The following ZNF385D variants were observed in gnomAD, a reference collection of about 807,000 sequenced individuals.
ZNF385D encodes zinc finger protein 385D.
Under a neutral mutation model 35.8 loss-of-function variants are expected in ZNF385D, and 15 were observed. The ratio of observed to expected loss-of-function variants is 0.42; its 90% confidence interval spans 0.28 to 0.64. The LOEUF (loss-of-function observed/expected upper bound fraction) is 0.64. Ranked by LOEUF, ZNF385D falls within the 30% of genes least tolerant of loss-of-function variation. The pLI is 0.23. For missense variants in ZNF385D, 474 were observed against 494.6 expected (o/e 0.96, Z 0.39); for synonymous variants, 212 against 186.8 (o/e 1.13, Z -1.10).
chr3:22,028,823 T>A (rs1697729598), intron 3 of ZNF385D, among the ~76,000 whole-genome samples: 1 of 152,180 alleles, frequency 6.6e-6, no homozygotes, highest in Non-Finnish European at 1.5e-5. Flanking sequence ...TATAAAACAT[T>A]GGAATGGCCT....
intron 3 of ZNF385D, among the ~76,000 whole-genome samples, chr3:21,869,409 T>C (rs1679216): frequency 0.41 from 62,912 of 151,886 alleles, 13,250 homozygotes; most frequent in Non-Finnish European, 0.43. Context: ...CAACATGTGA[T>C]CCCCACCGCT....
chr3:21,785,351 C>G (rs1455801424), intron 3 of ZNF385D, among the ~76,000 whole-genome samples: 1 of 152,092 alleles, frequency 6.6e-6, no homozygotes, highest in Admixed American at 6.5e-5. Flanking sequence ...ACATATTCAT[C>G]ATTTCCTACA....
intron 3 of ZNF385D, among the ~76,000 whole-genome samples, chr3:21,951,052 C>T (rs993086777): frequency 6.6e-6 from 1 of 151,524 alleles, no homozygotes; most frequent in Non-Finnish European, 1.5e-5. Context: ...TCTCATTAAA[C>T]TTAAAGTAGT....
chr3:21,978,366 T>A (rs1455303447), intron 3 of ZNF385D: 2 of 152,262 alleles, frequency 1.3e-5, no homozygotes, highest in African/African-American at 4.8e-5. Context: ...TTAAGGCCAA[T>A]ATTGTGGAAT....
chr3:22,282,029 C>T (rs898746446), intron 2 of ZNF385D, among the ~76,000 whole-genome samples: 6 of 151,798 alleles, frequency 4.0e-5, no homozygotes, highest in African/African-American at 7.3e-5. Flanking sequence ...CTAGTTTATG[C>T]GTGTAAAGGT....
intron 3 of ZNF385D, among the ~76,000 whole-genome samples, chr3:21,858,157 C>CAAAAA (rs34471727): frequency 8.4e-6 from 1 of 119,630 alleles, no homozygotes; most frequent in Non-Finnish European, 1.8e-5. Context: ...AAGAGTCTAT[C>CAAAAA]AAAAAAAAAA....
intron 2 of ZNF385D, among the ~76,000 whole-genome samples, chr3:21,578,333 A>T (rs923156666): frequency 6.6e-6 from 1 of 152,124 alleles, no homozygotes; most frequent in Non-Finnish European, 1.5e-5. Context: ...TTAGTTTAGT[A>T]TAATCCCATT....
chr3:21,594,943 T>A (rs1365155799), intron 2 of ZNF385D, among the ~76,000 whole-genome samples: 1 of 152,148 alleles, frequency 6.6e-6, no homozygotes, highest in African/African-American at 2.4e-5. Flanking sequence ...AGTACAAAAT[T>A]AAACTGCGCA....
chr3:22,262,079 T>G (rs926446701), intron 2 of ZNF385D, among the ~76,000 whole-genome samples: 4 of 152,006 alleles, frequency 2.6e-5, no homozygotes, highest in Admixed American at 1.3e-4. Flanking sequence ...TCTAAAGCAT[T>G]TCATAAATAG....
At chr3:22,337,460 G>A (rs559871540) in intron 2 of ZNF385D, among the ~76,000 whole-genome samples, 1 of 152,184 alleles carries the variant, frequency 6.6e-6, no homozygotes, top group Non-Finnish European at 1.5e-5. Flanking sequence ...CCTGAACCTG[G>A]GAAGCGGAGG....
intron 4 of ZNF385D, among the ~76,000 whole-genome samples, chr3:21,480,222 C>T (rs1041623743): frequency 6.6e-6 from 1 of 151,508 alleles, no homozygotes; most frequent in Non-Finnish European, 1.5e-5. Flanking sequence ...CCTGCCTCAG[C>T]CTCCCAAGTA....
intron 3 of ZNF385D, among the ~76,000 whole-genome samples, chr3:21,919,843 A>G (rs552002172): frequency 2.6e-5 from 4 of 152,320 alleles, no homozygotes; most frequent in South Asian, 4.1e-4. Context: ...GAACTGAATA[A>G]CTTTTCTGAA....
In ZNF385D at chr3:21,428,248, T is replaced by C. The variant is rs1575126125; in HGVS notation, c.674-2578A>G. Among the ~76,000 whole-genome samples, 6 of 152,210 alleles carry C rather than the reference T, an allele frequency of 3.9e-5. No individual in the cohort carries two copies. In the South Asian group the frequency reaches 1.2e-3, roughly 32 times the overall value. On this transcript the variant is annotated intron_variant, in intron 5 of 7. Transcript: ENST00000281523. The stretch of plus-strand genomic sequence containing the variant: ...GAACCCCTTTGTATTAAATCTGTAA[T>C]ATGTTTCAGATACTGTGCTAAATTT...
intron 4 of ZNF385D, among the ~76,000 whole-genome samples, chr3:21,508,683 G>C (rs1706968623): frequency 6.6e-6 from 1 of 152,084 alleles, no homozygotes; most frequent in Non-Finnish European, 1.5e-5. Flanking sequence ...CTGTAACTAA[G>C]CATTAAGCCT....
chr3:21,649,446 G>T (rs2065850927), intron 2 of ZNF385D, among the ~76,000 whole-genome samples: 1 of 152,022 alleles, frequency 6.6e-6, no homozygotes. Flanking sequence ...GCTAAATTTT[G>T]CCCAGGAAAG....
chr3:22,005,459 A>C (rs540661709), intron 3 of ZNF385D, among the ~76,000 whole-genome samples: 1 of 152,206 alleles, frequency 6.6e-6, no homozygotes, highest in Admixed American at 6.5e-5. Context: ...TAACAACAAT[A>C]TATTATATAT....
At chr3:21,599,462 G>GAGAC (rs2064218943) in intron 2 of ZNF385D, among the ~76,000 whole-genome samples, 1 of 152,044 alleles carries the variant, frequency 6.6e-6, no homozygotes, top group Non-Finnish European at 1.5e-5. Context: ...GTTTGCATAG[G>GAGAC]AGACAATTTC....
intron 2 of ZNF385D, among the ~76,000 whole-genome samples, chr3:22,204,702 T>C (rs1044192936): frequency 7.2e-5 from 11 of 152,020 alleles, no homozygotes; most frequent in African/African-American, 1.9e-4. Context: ...AATTCTGGAA[T>C]TGAAAAATGC....
intron 4 of ZNF385D, among the ~76,000 whole-genome samples, chr3:21,458,671 AT>A (rs1484743033): frequency 2.4e-4 from 36 of 152,236 alleles, no homozygotes; most frequent in African/African-American, 8.4e-4. Flanking sequence ...TGAAAACATT[AT>A]GCTAAATAAA....
Sources: allele counts gnomAD v4.1 joint callset (sites outside exome capture counted in the v4.1 genomes callset), GRCh38; gene constraint gnomAD v4.1.1; transcripts MANE v1.5; gene names NCBI Gene and HGNC (gene_info 2026-07-23, HGNC 2026-07-21).